The following EPB41L2 variants were observed in gnomAD, a reference collection of about 807,000 sequenced individuals.
EPB41L2 encodes erythrocyte membrane protein band 4.1 like 2, also known as band 4.1-like protein 2.
Under a neutral mutation model 113.0 loss-of-function variants are expected in EPB41L2, and 43 were observed. The observed-to-expected ratio is 0.38, with a 90% CI of 0.30 to 0.49. EPB41L2 has a LOEUF of 0.49. Ranked by LOEUF, EPB41L2 falls within the 20% of genes least tolerant of loss-of-function variation. EPB41L2 has a pLI of 0.95. For missense variants in EPB41L2, 1,147 were observed against 1,223.4 expected (o/e 0.94, Z 0.93); for synonymous variants, 442 against 436.7 (o/e 1.01, Z -0.15).
intron 3 of EPB41L2, among the ~76,000 whole-genome samples, chr6:130,940,265 A>G (rs1324572273): frequency 1.3e-5 from 2 of 152,210 alleles, no homozygotes; most frequent in East Asian, 1.9e-4. Context: ...CTAGCCCTGT[A>G]AAGCCAGGAA....
At chr6:130,887,416 T>TA (rs1356629347) in intron 11 of EPB41L2, among the ~76,000 whole-genome samples, 1 of 151,910 alleles carries the variant, frequency 6.6e-6, no homozygotes, top group African/African-American at 2.4e-5. Context: ...ATTTTTTTTT[T>TA]AAAAGATAAC....
At chr6:130,846,728 A>G (rs933684111) in intron 19 of EPB41L2, among the ~76,000 whole-genome samples, 4 of 152,164 alleles carry the variant, frequency 2.6e-5, no homozygotes, top group Admixed American at 2.0e-4. Context: ...GACCTTCCTG[A>G]GCCCTGTGTC....
chr6:131,003,171 C>T (rs1784726834), intron 1 of EPB41L2, among the ~76,000 whole-genome samples: 1 of 151,920 alleles, frequency 6.6e-6, no homozygotes, highest in African/African-American at 2.4e-5. Context: ...AAAGAGTACA[C>T]AAAATAACAC....
chr6:130,944,164 C>T (rs1811922361), intron 3 of EPB41L2, among the ~76,000 whole-genome samples: 1 of 138,918 alleles, frequency 7.2e-6, no homozygotes, highest in African/African-American at 2.7e-5. Context: ...TACGTACATA[C>T]ACACACATAC....
intron 1 of EPB41L2, among the ~76,000 whole-genome samples, chr6:131,000,459 C>G (rs887055175): frequency 9.9e-5 from 15 of 152,172 alleles, no homozygotes; most frequent in Admixed American, 8.5e-4. Flanking sequence ...CTGACCAACG[C>G]AACTACCAAA....
intron 19 of EPB41L2, among the ~76,000 whole-genome samples, chr6:130,857,001 T>C (rs1476019519): frequency 6.6e-6 from 1 of 152,204 alleles, no homozygotes; most frequent in Non-Finnish European, 1.5e-5. Context: ...AATATAAATA[T>C]TAAAATGTGA....
intron 1 of EPB41L2, among the ~76,000 whole-genome samples, chr6:131,032,254 G>GTT (rs985218345): frequency 1.1e-4 from 16 of 146,300 alleles, no homozygotes; most frequent in Non-Finnish European, 2.2e-4. Context: ...AAATACAAGG[G>GTT]TTTCATCCTT....
Position 130,895,051 on chromosome 6 carries a change from C to T in EPB41L2, c.1305G>A (p.Leu435=). Residue 435 remains leucine (L), a synonymous_variant, in exon 9 of 20, where the codon CTG becomes CTA. Transcript: ENST00000337057. Reference sequence around the variant, plus strand: ...TCGGCCAAGCAAAACGATTGATTCGCAGTCTGTCTTTGTAAATGAGAAGTC... The same window carrying T: ...TCGGCCAAGCAAAACGATTGATTCGTAGTCTGTCTTTGTAAATGAGAAGTC... ...ANGLLIYKDR[L]RINRFAWPKI... 6.2e-7 allele frequency: 1 copy of T among 1,613,988 alleles called. No homozygotes were observed.
intron 16 of EPB41L2, among the ~76,000 whole-genome samples, chr6:130,866,592 C>T (rs1783831830): frequency 6.6e-6 from 1 of 152,142 alleles, no homozygotes; most frequent in African/African-American, 2.4e-5. Context: ...GATGCCATAT[C>T]CAAAATAATT....
chr6:131,024,603 G>A (rs1790414938), intron 1 of EPB41L2, among the ~76,000 whole-genome samples: 1 of 152,144 alleles, frequency 6.6e-6, no homozygotes, highest in Non-Finnish European at 1.5e-5. Context: ...TGCACCAAGA[G>A]CTCTTTGAGC....
At chr6:130,979,978 G>T (rs1482234027) in intron 1 of EPB41L2, among the ~76,000 whole-genome samples, 1 of 152,268 alleles carries the variant, frequency 6.6e-6, no homozygotes, top group East Asian at 1.9e-4. Context: ...AGAGACCAAA[G>T]AACCTATCAA....
At chr6:130,981,814 A>C (rs1369460109) in intron 1 of EPB41L2, among the ~76,000 whole-genome samples, 2 of 152,204 alleles carry the variant, frequency 1.3e-5, no homozygotes, top group African/African-American at 4.8e-5. Context: ...TAAAATAAAA[A>C]TATAAATAAA....
chr6:130,868,518 A>G (rs1784633285), intron 15 of EPB41L2: 1 of 152,246 alleles, frequency 6.6e-6, no homozygotes, highest in Non-Finnish European at 1.5e-5. Flanking sequence ...AGGAGTAACG[A>G]TATGTTAAAT....
chr6:130,881,628 T>C (rs1215228643), intron 12 of EPB41L2: 1 of 152,128 alleles, frequency 6.6e-6, no homozygotes, highest in Non-Finnish European at 1.5e-5. Flanking sequence ...AAATATATTG[T>C]ACATGTTAAT....
At chr6:131,047,718 T>C (rs1414737745) in intron 1 of EPB41L2, among the ~76,000 whole-genome samples, 1 of 152,222 alleles carries the variant, frequency 6.6e-6, no homozygotes, top group Non-Finnish European at 1.5e-5. Context: ...TTTTTATAAC[T>C]GTATAGTCCC....
rs117746800 is a variant in EPB41L2 at position 130,854,146 on chromosome 6, C to G, written c.*5+3985G>C. ...TAGTTCAAGTCTCCTATTTTGTTCT[C>G]TCATAGCATTTTATTTCCTTCAGAG... On this transcript the variant is annotated intron_variant, in intron 19 of 19. Coordinates refer to ENST00000337057, the MANE Select transcript of EPB41L2 (RefSeq NM_001431.4). Among the ~76,000 whole-genome samples the G allele has an allele frequency of 4.4e-3, 666 of 152,246 alleles. 6 individuals carry two copies. The highest frequency in any genetic ancestry group is 0.015 in the South Asian group (71 of 4,820).
chr6:130,882,473 G>GA (rs1251213041), intron 12 of EPB41L2: 4 of 152,614 alleles, frequency 2.6e-5, no homozygotes, highest in African/African-American at 9.7e-5. Flanking sequence ...TTAAGATAAA[G>GA]TGTATTGTGT....
At chr6:131,007,757 T>C (rs1392242723) in intron 1 of EPB41L2, among the ~76,000 whole-genome samples, 1 of 152,198 alleles carries the variant, frequency 6.6e-6, no homozygotes, top group Non-Finnish European at 1.5e-5. Context: ...ATTTTGCCCC[T>C]GCCCTAGAGA....
chr6:130,859,918 G>A (rs1182865768), intron 18 of EPB41L2, among the ~76,000 whole-genome samples: 1 of 152,188 alleles, frequency 6.6e-6, no homozygotes, highest in Non-Finnish European at 1.5e-5. Flanking sequence ...CTGGGCAGTA[G>A]CAGAAGTGTT....
Sources: gnomAD v4.1 joint callset for allele counts (sites outside exome capture counted in the v4.1 genomes callset) on GRCh38, gnomAD v4.1.1 for gene constraint, MANE v1.5 for transcripts, NCBI Gene and HGNC (gene_info 2026-07-23, HGNC 2026-07-21) for gene names.